The following SBF1 variants were observed in gnomAD, a reference collection of about 807,000 sequenced individuals.
SBF1 encodes SET binding factor 1, also known as myotubularin-related protein 5.
SBF1 carries 65 observed loss-of-function variants against 215.8 expected under a neutral mutation model. The ratio of observed to expected loss-of-function variants is 0.30; its 90% CI spans 0.25 to 0.37. SBF1 has a LOEUF of 0.37. Ranked by LOEUF, SBF1 falls within the 10% of genes least tolerant of loss-of-function variation. SBF1 has a pLI of 1.00. For missense variants in SBF1, 2,634 were observed against 2,667.8 expected, an observed-to-expected ratio of 0.99 and a Z score of 0.28; for synonymous variants, 1,410 against 1,122.8, an observed-to-expected ratio of 1.26 and a Z score of -5.11.
intron 28 of SBF1, among the ~76,000 whole-genome samples, chr22:50,458,320 A>AC (rs1386318336): frequency 0.12 from 17,672 of 147,326 alleles, 1,326 homozygotes; most frequent in East Asian, 0.27. Flanking sequence ...AAAAAAAAAA[A>AC]AAAGGTCAGG....
rs1305748004 is a variant in SBF1 at position 50,455,419 on chromosome 22, C to A, written c.4369-10G>T. 1.2e-6 allele frequency: 2 copies of A among 1,612,036 alleles called. No homozygotes were observed. The highest frequency in any genetic ancestry group is 3.3e-5 in the Admixed American group (2 of 59,960). ...GCACCAAGGATACCACCTGCCAGCACCGCCAGGAGGTCAGCGAGGAGCCCG... is the reference window on the plus strand; with the variant it reads ...GCACCAAGGATACCACCTGCCAGCAACGCCAGGAGGTCAGCGAGGAGCCCG... On this transcript the variant is annotated splice_polypyrimidine_tract_variant and intron_variant, in intron 32 of 40. Coordinates refer to ENST00000380817, the MANE Select transcript of SBF1 (RefSeq NM_002972.4).
chr22:50,467,100 G>A (rs965867993), intron 5 of SBF1: 34 of 592,532 alleles, frequency 5.7e-5, no homozygotes, highest in Non-Finnish European at 9.3e-5. Flanking sequence ...AACATCCAGA[G>A]ACAGGCACAC....
At position 50,446,998 on chromosome 22, in the gene SBF1, A is replaced by G. The variant is rs1007395914; in HGVS notation, c.*144T>C. The stretch of plus-strand genomic sequence containing the variant: ...GCCGGCCGGGCGGGGCGGGGCGGGG[A>G]CGGGGGCTGTACACACAAGTGCTGG... On this transcript the variant is annotated 3_prime_UTR_variant, in exon 41 of 41. Transcript: ENST00000380817. 16 of 764,676 alleles carry G rather than the reference A, an allele frequency of 2.1e-5. No individual in the cohort carries two copies. Among genetic ancestry groups the G allele is most frequent in the African/African-American group, 1.9e-4 (11 of 57,564 alleles). 47.4% of individuals were successfully genotyped at this position (764,676 alleles called of 1,614,324 possible). A position where few individuals can be genotyped will look rare whatever the true frequency, so the allele number is the denominator to read the frequency against.
At chr22:50,465,882 G>A (rs771906360) in intron 9 of SBF1, 42 bp from the exon 10 acceptor site, 48 of 1,611,218 alleles carry the variant, frequency 3.0e-5, no homozygotes, top group Middle Eastern at 1.7e-4. Context: ...CGCTGGCCCC[G>A]GCTCTAGGCT....
intron 36 of SBF1, among the ~76,000 whole-genome samples, chr22:50,449,546 C>T (rs914966060): frequency 3.3e-5 from 5 of 150,572 alleles, no homozygotes; most frequent in African/African-American, 9.8e-5. Flanking sequence ...ACTCAGGGGG[C>T]GGAAGTTGCA....
chr22:50,465,371 T>G (rs779344056), intron 10 of SBF1, 43 bp from the exon 11 acceptor site: 1 of 1,511,292 alleles, frequency 6.6e-7, no homozygotes, highest in Non-Finnish European at 9.0e-7. Context: ...GTCCTGCCAA[T>G]CCCCACCCCA....
chr22:50,451,416 T>G (rs1569509167), intron 36 of SBF1, among the ~76,000 whole-genome samples: 1 of 152,044 alleles, frequency 6.6e-6, no homozygotes. Context: ...GTAGTGAACT[T>G]GAAGACAAGC....
In SBF1 at chr22:50,454,847, G is replaced by A. The variant is rs1213487805; in HGVS notation, c.4779C>T (p.Phe1593=). 3 of 1,614,038 alleles carry A rather than the reference G, an allele frequency of 1.9e-6. No homozygotes were observed. Among genetic ancestry groups the A allele is most frequent in the Non-Finnish European group, 1.7e-6 (2 of 1,179,996 alleles). The change falls in exon 35 of 41, where the codon TTC becomes TTT. Residue 1593 remains phenylalanine (F), a synonymous_variant. Transcript: ENST00000380817. ...CCTCGGGCGCATACATGTAATTGTGGAACACAGGCGTCCTCTTGCTCAGCC... is the reference window on the plus strand; with the variant it reads ...CCTCGGGCGCATACATGTAATTGTGAAACACAGGCGTCCTCTTGCTCAGCC... ...VDRLSKRTPV[F]HNYMYAPEDA... is the part of the protein sequence containing the mutation.
chr22:50,474,335 G>A (rs1051009123), intron 1 of SBF1, among the ~76,000 whole-genome samples: 3 of 152,248 alleles, frequency 2.0e-5, no homozygotes, highest in African/African-American at 7.2e-5. Context: ...GGAGCACCAA[G>A]GTCAGAGGCG....
chr22:50,448,094 A>G, intron 38 of SBF1, 139 bp downstream of exon 38: 1 of 758,930 alleles, frequency 1.3e-6, no homozygotes, highest in Non-Finnish European at 2.1e-6. Context: ...CCAGTTCGAC[A>G]CCCCAAACCC....
chr22:50,467,103 A>T (rs1485492138), intron 5 of SBF1: 1 of 592,818 alleles, frequency 1.7e-6, no homozygotes, highest in African/African-American at 1.9e-5. Flanking sequence ...ATCCAGAGAC[A>T]GGCACACACC....
chr22:50,463,222 T>TG, intron 16 of SBF1, 61 bp downstream of exon 16: 1 of 1,596,276 alleles, frequency 6.3e-7, no homozygotes, highest in Non-Finnish European at 8.5e-7. Context: ...GACCAGGGTC[T>TG]GCCCGCCTGT....
rs766238049 is a variant in SBF1, at chr22:50,454,950, C to G, written c.4682-6G>C. The G allele has an allele frequency of 8.1e-6, 13 of 1,614,018 alleles. No homozygotes were observed. The highest frequency in any genetic ancestry group is 1.6e-4 in the Middle Eastern group (1 of 6,062). On this transcript the variant is annotated splice_region_variant and splice_polypyrimidine_tract_variant and intron_variant, in intron 34 of 40. Coordinates refer to ENST00000380817, the MANE Select transcript of SBF1 (RefSeq NM_002972.4). Reference sequence around the variant, plus strand: ...CTTCTCCTCATACAGCAGCCCTGCACAGAAGCAGCACTGAGCCTGGGCCCC... The same window carrying G: ...CTTCTCCTCATACAGCAGCCCTGCAGAGAAGCAGCACTGAGCCTGGGCCCC...
At chr22:50,451,974 T>TC (rs1471290070) in intron 36 of SBF1, among the ~76,000 whole-genome samples, 2 of 151,830 alleles carry the variant, frequency 1.3e-5, no homozygotes, top group African/African-American at 4.8e-5. Flanking sequence ...TTTTTATATT[T>TC]TAGTAGAGAC....
chr22:50,457,137 C>G, intron 28 of SBF1, 26 bp from the exon 29 acceptor site: 1 of 1,451,422 alleles, frequency 6.9e-7, no homozygotes, highest in Non-Finnish European at 9.0e-7. Context: ...AGAGAAGGCT[C>G]AGGCCTAGCC....
chr22:50,448,838 A>C (rs770539230), intron 36 of SBF1, among the ~76,000 whole-genome samples, 188 bp from the exon 37 acceptor site: 1 of 152,204 alleles, frequency 6.6e-6, no homozygotes, highest in African/African-American at 2.4e-5. Flanking sequence ...CAACAGTTGA[A>C]AAATTTCCCA....
intron 1 of SBF1, among the ~76,000 whole-genome samples, chr22:50,473,970 G>A (rs776598484): frequency 1.3e-4 from 20 of 152,228 alleles, no homozygotes; most frequent in Non-Finnish European, 2.5e-4. Flanking sequence ...AGGGCTGTGC[G>A]GGGCCTGGCA....
In SBF1 at chr22:50,447,060, G is replaced by A. The variant is rs749259406; in HGVS notation, c.*82C>T. On this transcript the variant is annotated 3_prime_UTR_variant, in exon 41 of 41. Transcript: ENST00000380817. ...CTCAATACTGTCGAGGGCCGGGGCT[G>A]TAAACATGGCCGGGGCGGCCCTGCC... The A allele has an allele frequency of 6.1e-5, 79 of 1,297,178 alleles. No homozygotes were observed. The highest frequency in any genetic ancestry group is 1.2e-4 in the South Asian group (9 of 76,662). 80.4% of individuals were successfully genotyped at this position (1,297,178 alleles called of 1,614,324 possible).
Position 50,467,768 on chromosome 22 carries a change from C to T in SBF1, c.279+18G>A, listed in dbSNP as rs765116998. The T allele has an allele frequency of 2.4e-5, 38 of 1,613,486 alleles. No homozygotes were observed. Among genetic ancestry groups the T allele is most frequent in the Non-Finnish European group, 3.1e-5 (37 of 1,179,900 alleles). ...GATGCAGCTTCATTCATGCTGTACCCAGAGGCCCCAAGCTGACCTGTGAAG... is the reference window on the plus strand; with the variant it reads ...GATGCAGCTTCATTCATGCTGTACCTAGAGGCCCCAAGCTGACCTGTGAAG... On this transcript the variant is annotated intron_variant, in intron 3 of 40. Coordinates refer to ENST00000380817, the MANE Select transcript of SBF1 (RefSeq NM_002972.4).
Sources: allele counts gnomAD v4.1 joint callset (sites outside exome capture counted in the v4.1 genomes callset), GRCh38; gene constraint gnomAD v4.1.1; transcripts MANE v1.5; gene names NCBI Gene and HGNC (gene_info 2026-07-23, HGNC 2026-07-21).